SKA3: variants seen among roughly 807,000 people sequenced by gnomAD.
The protein encoded by SKA3 is spindle and kinetochore associated complex subunit 3, also known as spindle and kinetochore-associated protein 3.
A neutral mutation model predicts 44.2 loss-of-function variants in SKA3; 39 were observed. The ratio of observed to expected loss-of-function variants is 0.88; its 90% CI spans 0.68 to 1.15. SKA3 has a LOEUF of 1.15. Among genes scored for constraint, SKA3 ranks in the 50% most tolerant of loss-of-function variants. SKA3 has a pLI of 0.00. For missense variants in SKA3, 511 were observed against 485.8 expected, an observed-to-expected ratio of 1.05 and a Z score of -0.49; for synonymous variants, 192 against 172.0, an observed-to-expected ratio of 1.12 and a Z score of -0.91.
intron 1 of SKA3, among the ~76,000 whole-genome samples, chr13:21,174,497 C>T (rs1276325702): frequency 2.6e-5 from 4 of 151,966 alleles, no homozygotes; most frequent in Admixed American, 6.6e-5. Context: ...AACCAAACAC[C>T]GCATGTTCTC....
rs748672773 is a variant in SKA3, at chr13:21,168,209, G to T, written c.522C>A (p.Asn174Lys). 7 of 1,614,078 alleles carry T rather than the reference G, an allele frequency of 4.3e-6. No homozygotes were observed. The East Asian group carries it at 1.6e-4, about 36-fold the overall frequency. Residue 174 changes from asparagine (N) to lysine (K), a missense_variant, in exon 4 of 9, where the codon AAC becomes AAA. Physicochemically the swap from Asn to Lys is moderately conservative, Grantham distance 94. Coordinates refer to ENST00000314759, the MANE Select transcript of SKA3 (RefSeq NM_145061.6). Reference protein sequence around the residue: ...ERYIVSQVLPNPPQAVNNYKE... With the variant: ...ERYIVSQVLPKPPQAVNNYKE... ...TATAGTTGTTCACTGCCTGTGGAGG[G>T]TTTGGTAGAACTTGGGATACGATGT...
At chr13:21,171,435 G>A (rs1871042022) in intron 3 of SKA3, among the ~76,000 whole-genome samples, 1 of 152,008 alleles carries the variant, frequency 6.6e-6, no homozygotes, top group Non-Finnish European at 1.5e-5. Context: ...AAATTAGCTG[G>A]GCGTGGTGGC....
At chr13:21,161,709 G>C (rs1870446379) in intron 5 of SKA3, 81 bp downstream of exon 5, 1 of 793,904 alleles carries the variant, frequency 1.3e-6, no homozygotes, top group Non-Finnish European at 1.9e-6. Flanking sequence ...CTATTAGAAT[G>C]TCTAAGATGA....
rs1869967136 is a variant in SKA3, at chr13:21,154,244, T to A, written c.*906A>T. 6.6e-6 allele frequency: 1 copy of A among 152,284 alleles called. No homozygotes were observed. The highest frequency in any genetic ancestry group is 2.4e-5 in the African/African-American group (1 of 41,468). The allele number at this position is 152,284 out of a possible 1,614,324, so 9.4% of individuals were successfully genotyped here. The stretch of plus-strand genomic sequence containing the variant: ...GACAAGTTCTCCAAAAGCACTATCA[T>A]GAACTTAATTAGATAATACTTTCCA... On this transcript the variant is annotated 3_prime_UTR_variant, in exon 9 of 9. Coordinates refer to ENST00000314759, the MANE Select transcript of SKA3 (RefSeq NM_145061.6).
At chr13:21,169,005 T>C (rs1368113623) in intron 3 of SKA3, among the ~76,000 whole-genome samples, 1 of 152,062 alleles carries the variant, frequency 6.6e-6, no homozygotes, top group African/African-American at 2.4e-5. Flanking sequence ...ATTTACTAGT[T>C]TTTCATAATA....
In SKA3 at chr13:21,172,384, ACT is replaced by A. The variant is rs771787127; in HGVS notation, c.284_285del (p.Glu95ValfsTer8). 2 of 1,583,486 alleles carry A rather than the reference ACT, an allele frequency of 1.3e-6. No individual in the cohort carries two copies. Among genetic ancestry groups the A allele is most frequent in the Non-Finnish European group, 1.7e-6 (2 of 1,169,480 alleles). On this transcript the variant is annotated frameshift_variant, in exon 3 of 9. Coordinates refer to ENST00000314759, the MANE Select transcript of SKA3 (RefSeq NM_145061.6). LOFTEE classifies it high-confidence loss of function. ...GGACTATATCCATACTTCTGGAAATACTCTCTTATTTTCATAATATCCATTGA... is the reference window on the plus strand; with the variant it reads ...GGACTATATCCATACTTCTGGAAATACTCTTATTTTCATAATATCCATTGA... ...KNSMDIMKIR[E>X]YFQKYGYSPR...
chr13:21,165,955 A>G (rs576681372), intron 4 of SKA3, among the ~76,000 whole-genome samples: 1 of 152,180 alleles, frequency 6.6e-6, no homozygotes, highest in African/African-American at 2.4e-5. Flanking sequence ...ATGACATGAC[A>G]TAACATTAGA....
chr13:21,173,855 T>G (rs1018440268), intron 1 of SKA3, among the ~76,000 whole-genome samples: 1 of 152,214 alleles, frequency 6.6e-6, no homozygotes, highest in African/African-American at 2.4e-5. Flanking sequence ...TATTTCTGTA[T>G]GTTAAGAGAC....
intron 7 of SKA3, among the ~76,000 whole-genome samples, chr13:21,156,316 CAATA>C (rs1393310010): frequency 1.3e-5 from 2 of 151,720 alleles, no homozygotes; most frequent in African/African-American, 4.8e-5. Context: ...AAACAAGTAG[CAATA>C]TATCCCTGAG....
At chr13:21,157,537 T>C (rs1274123729) in intron 7 of SKA3, among the ~76,000 whole-genome samples, 1 of 152,236 alleles carries the variant, frequency 6.6e-6, no homozygotes, top group African/African-American at 2.4e-5. Context: ...CAGTCCATCA[T>C]TGACCAAAAT....
At chr13:21,172,547 T>C (rs1338043543) in intron 2 of SKA3, 43 bp from the exon 3 acceptor site, 2 of 1,292,034 alleles carry the variant, frequency 1.5e-6, no homozygotes, top group Non-Finnish European at 2.0e-6. Flanking sequence ...CTCTAACTTC[T>C]GACTAAATCT....
chr13:21,175,890 CTAT>C (rs1871479794), intron 1 of SKA3, among the ~76,000 whole-genome samples: 1 of 152,050 alleles, frequency 6.6e-6, no homozygotes, highest in South Asian at 2.1e-4. Context: ...AAAAAAGTCA[CTAT>C]ATGTGTAAAG....
At chr13:21,169,230 CT>C (rs758516861) in intron 3 of SKA3, among the ~76,000 whole-genome samples, 101 of 145,522 alleles carry the variant, frequency 6.9e-4, no homozygotes, top group South Asian at 1.3e-3. Context: ...AACTTTGTTC[CT>C]TTTTTTTTTT....
chr13:21,154,928 C>A lies in SKA3; in HGVS notation c.*222G>T. On this transcript the variant is annotated 3_prime_UTR_variant, in exon 9 of 9. Coordinates refer to ENST00000314759, the MANE Select transcript of SKA3 (RefSeq NM_145061.6). Reference sequence around the variant, plus strand: ...TAGTATCAATGAAACACTAATAATCCTTAAAGAGTGAATGACTGGGCTACA... The same window carrying A: ...TAGTATCAATGAAACACTAATAATCATTAAAGAGTGAATGACTGGGCTACA... 1 of 718,042 alleles carries A rather than the reference C, an allele frequency of 1.4e-6. No homozygotes were observed. The highest frequency in any genetic ancestry group is 1.9e-5 in the South Asian group (1 of 52,518). 44.5% of individuals were successfully genotyped at this position (718,042 alleles called of 1,614,324 possible).
Position 21,176,457 on chromosome 13 carries a change from G to T in SKA3, c.21C>A (p.Phe7Leu). The stretch of plus-strand genomic sequence containing the variant: ...TGGCCAGAGACCGCAGCTTCCCGCA[G>T]AAGCTCCGGATAGGGTCCATGCTGA... MDPIRS[F>L]CGKLRSLAST... is the part of the protein sequence containing the mutation. The change falls in exon 1 of 9, where the codon TTC becomes TTA. Residue 7 changes from phenylalanine to leucine, a missense_variant. Physicochemically the swap from Phe to Leu is conservative, Grantham distance 22 (BLOSUM62 0). Transcript: ENST00000314759. The T allele has an allele frequency of 1.3e-6, 2 of 1,575,098 alleles. No homozygotes were observed. Among genetic ancestry groups the T allele is most frequent in the South Asian group, 2.3e-5 (2 of 86,526 alleles).
In SKA3 at chr13:21,172,470, A is replaced by G. The variant is rs148733266; in HGVS notation, c.200T>C (p.Leu67Ser). The G allele has an allele frequency of 5.5e-4, 871 of 1,590,100 alleles. 4 individuals carry two copies. Among genetic ancestry groups the G allele is most frequent in the Middle Eastern group, 2.7e-3 (16 of 6,006 alleles). Residue 67 changes from leucine to serine, a missense_variant, in exon 3 of 9, where the codon TTG becomes TCG. By Grantham distance (145) the Leu-to-Ser change is moderately radical. Transcript: ENST00000314759. ...GAAATCAATGCCTTCTTGATTTTCC[A>G]ATCTTGCTTTATCAAGAAGAATATT... ...DVNILLDKARLENQEGIDFIK... is the reference protein window; with the variant it reads ...DVNILLDKARSENQEGIDFIK...
Position 21,159,915 on chromosome 13 carries a change from T to G in SKA3, c.902A>C (p.Asn301Thr). 6.2e-7 allele frequency: 1 copy of G among 1,608,318 alleles called. No homozygotes were observed. The highest frequency in any genetic ancestry group is 8.5e-7 in the Non-Finnish European group (1 of 1,177,858). Residue 301 changes from asparagine to threonine, a missense_variant, in exon 6 of 9, where the codon AAC becomes ACC. Asn to Thr is a moderately conservative substitution (Grantham distance 65). Transcript: ENST00000314759. ...ATGGAAAGTTACCAAAGCTATGCTG[T>G]TCTTTGTAGATGGAATTTTCAAACC... is the stretch of plus-strand genomic sequence containing the variant. ...TPGLKIPSTKNSIALVSTNYP... is the reference protein window; with the variant it reads ...TPGLKIPSTKTSIALVSTNYP...
intron 6 of SKA3, among the ~76,000 whole-genome samples, chr13:21,158,914 G>C (rs1870284122): frequency 6.6e-6 from 1 of 152,132 alleles, no homozygotes; most frequent in East Asian, 1.9e-4. Context: ...ACCTCAGTAG[G>C]GTACCTTCCA....
chr13:21,161,594 G>A (rs981381030), intron 5 of SKA3, among the ~76,000 whole-genome samples, 196 bp downstream of exon 5: 1 of 152,096 alleles, frequency 6.6e-6, no homozygotes, highest in Admixed American at 6.6e-5. Flanking sequence ...ATAATCAAGA[G>A]TATTAAAAAC....
Sources: allele counts gnomAD v4.1 joint callset (sites outside exome capture counted in the v4.1 genomes callset), GRCh38; gene constraint gnomAD v4.1.1; transcripts MANE v1.5; gene names NCBI Gene and HGNC (gene_info 2026-07-23, HGNC 2026-07-21).